Variants in CCNB3 observed in about 807,000 individuals in gnomAD.
CCNB3 encodes the protein cyclin B3.
In CCNB3, 12 loss-of-function variants were observed where a neutral mutation model predicts 68.0. That is an observed-to-expected ratio of 0.18 (90% CI 0.11 to 0.29). CCNB3 has a LOEUF of 0.29. Among genes scored for constraint, CCNB3 ranks in the 10% least tolerant of loss-of-function variants. The pLI, the probability that CCNB3 is intolerant of heterozygous loss-of-function variation, is 1.00. For synonymous variants in CCNB3, 354 were observed against 388.9 expected (o/e 0.91, Z 1.06); for missense variants, 904 against 993.1 (o/e 0.91, Z 1.21).
chrX:50,343,077 C>T (rs782086949), intron 9 of CCNB3, among the ~76,000 whole-genome samples: 27 of 111,239 alleles, frequency 2.4e-4, no homozygotes, highest in African/African-American at 8.2e-4. Flanking sequence ...GGATGTCCTT[C>T]GGGAGGTTTT....
intron 5 of CCNB3, among the ~76,000 whole-genome samples, chrX:50,303,296 C>A (rs1936690193): frequency 9.0e-6 from 1 of 110,877 alleles, no homozygotes; most frequent in Non-Finnish European, 1.9e-5. Context: ...CAGGTGCCCA[C>A]AACCACCTCC....
rs1020344316 is a variant in CCNB3 at position 50,327,916 on chromosome X, A to C, written c.3516+13968A>C. On this transcript the variant is annotated intron_variant, in intron 8 of 12. Coordinates refer to ENST00000376042, the MANE Select transcript of CCNB3 (RefSeq NM_033031.3). ...ATCCTCGATTACCCAAGTGGGCCCA[A>C]TGTAATCACAAGGATACTTAAATAT... Among the ~76,000 whole-genome samples, 3 of 112,063 alleles carry C rather than the reference A, an allele frequency of 2.7e-5. No homozygotes were observed. The Admixed American group carries it at 2.9e-4, about 11-fold the overall frequency.
intron 8 of CCNB3, among the ~76,000 whole-genome samples, chrX:50,336,834 C>T (rs782776216): frequency 5.4e-5 from 6 of 111,259 alleles, no homozygotes; most frequent in Non-Finnish European, 1.1e-4. Context: ...TTGGCTAGGA[C>T]GTGCTCCTCT....
chrX:50,330,906 T>C (rs1557217977), intron 8 of CCNB3, among the ~76,000 whole-genome samples: 3 of 112,219 alleles, frequency 2.7e-5, no homozygotes, highest in African/African-American at 9.7e-5. Context: ...ATAGATAGCA[T>C]TTCTTATCTG....
At chrX:50,347,591 A>G in intron 10 of CCNB3, 35 bp from the exon 11 acceptor site, 2 of 1,184,058 alleles carry the variant, frequency 1.7e-6, no homozygotes, top group Non-Finnish European at 2.3e-6. Context: ...AGTTTTCTAA[A>G]TTGATTTCTG....
chrX:50,306,934 G>C (rs1469676218), intron 5 of CCNB3, among the ~76,000 whole-genome samples: 3 of 111,350 alleles, frequency 2.7e-5, no homozygotes, highest in Non-Finnish European at 5.7e-5. Context: ...GTTTTCTAGT[G>C]GTGTCTGTCT....
At chrX:50,334,993 G>A (rs1272876093) in intron 8 of CCNB3, among the ~76,000 whole-genome samples, 1 of 112,030 alleles carries the variant, frequency 8.9e-6, no homozygotes, top group Non-Finnish European at 1.9e-5. Context: ...GCAGATCTGA[G>A]CTTTCTTCTT....
chrX:50,318,602 A>T (rs1268224494), intron 8 of CCNB3, among the ~76,000 whole-genome samples: 2 of 112,226 alleles, frequency 1.8e-5, no homozygotes, highest in Non-Finnish European at 3.8e-5. Flanking sequence ...GAATCAGATT[A>T]TATCTTAAAA....
intron 8 of CCNB3, among the ~76,000 whole-genome samples, chrX:50,332,764 C>G (rs1557218252): frequency 8.9e-6 from 1 of 111,740 alleles, no homozygotes; most frequent in Admixed American, 9.5e-5. Context: ...AATCCTTCAT[C>G]CACACGTGGT....
At chrX:50,226,097 A>G (rs1198779084) in intron 1 of CCNB3, among the ~76,000 whole-genome samples, 2 of 84,029 alleles carry the variant, frequency 2.4e-5, no homozygotes, top group Non-Finnish European at 4.4e-5. Context: ...ATGAATATAT[A>G]TAGAATATGT....
At chrX:50,203,352 T>C (rs1265591397), upstream of CCNB3, among the ~76,000 whole-genome samples, 1 of 112,487 alleles carries the variant, frequency 8.9e-6, no homozygotes, top group East Asian at 2.8e-4. Flanking sequence ...GAAATCACTG[T>C]CTGTCTGGTA....
At chrX:50,314,959 A>T (rs904611932) in intron 8 of CCNB3, among the ~76,000 whole-genome samples, 2 of 2,514 alleles carry the variant, frequency 8.0e-4, no homozygotes, top group African/African-American at 8.3e-4. Context: ...AATGGCTTAC[A>T]GAGAAAAAAA....
In CCNB3 at chrX:50,288,817, C is replaced by T. The variant is rs1936293954; in HGVS notation, c.134C>T (p.Ser45Leu). 8.3e-7 allele frequency: 1 copy of T among 1,208,959 alleles called. No homozygotes were observed. Among genetic ancestry groups the T allele is most frequent in the Non-Finnish European group, 1.1e-6 (1 of 893,570 alleles). Reference protein sequence around the residue: ...ENCQTKISPSSLQESPSSLQG... With the variant: ...ENCQTKISPSLLQESPSSLQG... Reference sequence around the variant, plus strand: ...TGCCAAACGAAGATATCTCCATCTTCACTTCAGGAGTCTCCATCTTCACTT... The same window carrying T: ...TGCCAAACGAAGATATCTCCATCTTTACTTCAGGAGTCTCCATCTTCACTT... The change falls in exon 4 of 13, where the codon TCA (serine) becomes TTA (leucine). Residue 45 changes from serine to leucine, a missense_variant. By Grantham distance (145) the Ser-to-Leu change is moderately radical. Coordinates refer to ENST00000376042, the MANE Select transcript of CCNB3 (RefSeq NM_033031.3).
chrX:50,297,058 A>G (rs1557211246), intron 5 of CCNB3, among the ~76,000 whole-genome samples: 1 of 110,540 alleles, frequency 9.0e-6, no homozygotes, highest in African/African-American at 3.3e-5. Flanking sequence ...GGTTGCAAAA[A>G]TTTTCTCCCA....
chrX:50,227,267 ATACAGAATATATATAAATACATG>A (rs1369926530), intron 1 of CCNB3, among the ~76,000 whole-genome samples: 3 of 84,689 alleles, frequency 3.5e-5, no homozygotes, highest in African/African-American at 4.5e-5. Context: ...ATAAATATAT[ATACAGAATATATATAAATACATG>A]TACAGAATAT....
At chrX:50,349,404 G>T (rs1335451518) in intron 11 of CCNB3, among the ~76,000 whole-genome samples, 61 of 112,306 alleles carry the variant, frequency 5.4e-4, no homozygotes, top group Non-Finnish European at 1.3e-4. Flanking sequence ...TTACACTAAG[G>T]CATTGAAGGG....
chrX:50,288,996 A>G, intron 4 of CCNB3, 109 bp downstream of exon 4: 1 of 496,861 alleles, frequency 2.0e-6, no homozygotes, highest in South Asian at 3.9e-5. Context: ...TCTTGACAGC[A>G]AATTTTATTT....
At position 50,310,708 on chromosome X, in the gene CCNB3, G is replaced by A; in HGVS notation, c.2539G>A (p.Glu847Lys). ...CACTGAGAAGGAGGCTGTCCTCAAG[G>A]AGCCCAGTGTTGACACAGAAGCTCA... ...PSTEKEAVLK[E>K]PSVDTEAHFK... Residue 847 changes from glutamate (E) to lysine (K), a missense_variant, in exon 6 of 13, where the codon GAG becomes AAG. This residue lies in a region of CCNB3 where 619 missense variants were observed against 609.8 expected (regional missense o/e 1.02). Transcript: ENST00000376042. The A allele has an allele frequency of 1.7e-6, 2 of 1,210,052 alleles. No homozygotes were observed. Among genetic ancestry groups the A allele is most frequent in the Non-Finnish European group, 2.2e-6 (2 of 895,009 alleles).
chrX:50,294,748 C>T (rs1936416912), intron 4 of CCNB3, 115 bp from the exon 5 acceptor site: 1 of 905,065 alleles, frequency 1.1e-6, no homozygotes, highest in African/African-American at 2.0e-5. Context: ...AACACCCAAC[C>T]AACTTATGTG....
Sources: allele counts gnomAD v4.1 joint callset (sites outside exome capture counted in the v4.1 genomes callset), GRCh38; gene constraint gnomAD v4.1.1; regional missense constraint gnomAD v4.1.1; transcripts MANE v1.5; gene names NCBI Gene and HGNC (gene_info 2026-07-23, HGNC 2026-07-21).